Variants in MAPK10 observed in about 807,000 individuals in gnomAD.
MAPK10 encodes the protein JNK3 alpha protein kinase.
MAPK10 carries 25 observed loss-of-function variants against 59.3 expected under a neutral mutation model. The ratio of observed to expected loss-of-function variants is 0.42; its 90% CI spans 0.31 to 0.59. MAPK10 has a LOEUF of 0.59. Ranked by LOEUF, MAPK10 falls within the 20% of genes least tolerant of loss-of-function variation. The probability of loss-of-function intolerance (pLI) is 0.15; values close to 1 mark genes in which losing one functional copy is unlikely to be tolerated. For missense variants in MAPK10, 351 were observed against 568.9 expected (o/e 0.62, Z 3.90); for synonymous variants, 190 against 200.5 (o/e 0.95, Z 0.44).
chr4:86,338,110 A>C (rs1722643969), intron 2 of MAPK10, among the ~76,000 whole-genome samples: 1 of 152,030 alleles, frequency 6.6e-6, no homozygotes, highest in African/African-American at 2.4e-5. Flanking sequence ...TTCCCCTCCC[A>C]CACACACACC....
intron 2 of MAPK10, among the ~76,000 whole-genome samples, chr4:86,228,688 TA>T (rs2091063099): frequency 6.6e-6 from 1 of 152,184 alleles, no homozygotes; most frequent in Non-Finnish European, 1.5e-5. Context: ...AAATATCTGT[TA>T]CCCACCATAC....
chr4:86,408,465 G>C (rs1488220053), intron 1 of MAPK10, among the ~76,000 whole-genome samples: 1 of 152,128 alleles, frequency 6.6e-6, no homozygotes, highest in Non-Finnish European at 1.5e-5. Flanking sequence ...AGATCCTTGA[G>C]GAATTGCCAC....
At chr4:86,161,774 T>C (rs990521132) in intron 3 of MAPK10, among the ~76,000 whole-genome samples, 1 of 152,072 alleles carries the variant, frequency 6.6e-6, no homozygotes, top group Non-Finnish European at 1.5e-5. Flanking sequence ...TCAACTGTAT[T>C]GCATGTATAA....
At chr4:86,112,657 G>A (rs1444669298) in intron 4 of MAPK10, among the ~76,000 whole-genome samples, 1 of 152,142 alleles carries the variant, frequency 6.6e-6, no homozygotes, top group Non-Finnish European at 1.5e-5. Flanking sequence ...TTTAGGGTAA[G>A]TGCCAGTGGC....
At chr4:86,114,678 G>C (rs1418784869) in intron 4 of MAPK10, among the ~76,000 whole-genome samples, 1 of 152,214 alleles carries the variant, frequency 6.6e-6, no homozygotes, top group Non-Finnish European at 1.5e-5. Flanking sequence ...TCAGGGAACT[G>C]TTTAAAGAAC....
intron 1 of MAPK10, among the ~76,000 whole-genome samples, chr4:86,577,425 A>G (rs911653509): frequency 3.9e-5 from 6 of 152,276 alleles, no homozygotes; most frequent in South Asian, 2.1e-4. Context: ...AATAAAGATA[A>G]AGAGAATCCC....
At chr4:86,059,023 A>C (rs1396041206) in intron 11 of MAPK10, among the ~76,000 whole-genome samples, 3 of 152,130 alleles carry the variant, frequency 2.0e-5, no homozygotes, top group Non-Finnish European at 2.9e-5. Flanking sequence ...CCACTCTATA[A>C]TTATCTCTAA....
intron 4 of MAPK10, among the ~76,000 whole-genome samples, chr4:86,109,641 G>A (rs1214011324): frequency 6.6e-6 from 1 of 152,142 alleles, no homozygotes; most frequent in African/African-American, 2.4e-5. Flanking sequence ...ATCATTGATG[G>A]GCATTTGGGT....
chr4:86,021,913 G>A (rs147064919), intron 13 of MAPK10, among the ~76,000 whole-genome samples: 4,724 of 152,322 alleles, frequency 0.031, 210 homozygotes, highest in East Asian at 0.1. Flanking sequence ...GCGGGGGCCC[G>A]CCAAGCCCAC....
intron 4 of MAPK10, among the ~76,000 whole-genome samples, chr4:86,108,202 T>G (rs192970188): frequency 6.6e-6 from 1 of 152,334 alleles, no homozygotes; most frequent in African/African-American, 2.4e-5. Context: ...ATTGAAAATT[T>G]ACAATGCTTT....
chr4:86,390,269 A>G (rs1023476050), intron 1 of MAPK10, among the ~76,000 whole-genome samples: 1 of 152,226 alleles, frequency 6.6e-6, no homozygotes, highest in Non-Finnish European at 1.5e-5. Context: ...GGAAGATGAT[A>G]AAAAGATATT....
intron 2 of MAPK10, among the ~76,000 whole-genome samples, chr4:86,297,997 G>A (rs2095401099): frequency 6.6e-6 from 1 of 152,128 alleles, no homozygotes; most frequent in Non-Finnish European, 1.5e-5. Flanking sequence ...GTGCTTCTGT[G>A]TGTTTCCATT....
chr4:86,100,918 A>G (rs1472531355), intron 8 of MAPK10, 134 bp downstream of exon 8: 5 of 702,860 alleles, frequency 7.1e-6, no homozygotes. Flanking sequence ...GTATTAAAAA[A>G]AACCCTGAAT....
intron 2 of MAPK10, among the ~76,000 whole-genome samples, chr4:86,219,257 C>CCA (rs1220161173): frequency 1.3e-5 from 2 of 152,198 alleles, no homozygotes; most frequent in Admixed American, 6.5e-5. Flanking sequence ...AATTGGCACA[C>CCA]ATCCTCTCTT....
At chr4:86,394,477 T>C (rs896787148) in intron 1 of MAPK10, among the ~76,000 whole-genome samples, 7 of 152,188 alleles carry the variant, frequency 4.6e-5, no homozygotes, top group South Asian at 4.1e-4. Flanking sequence ...ATTTACCCTT[T>C]GTTTAAATTA....
Position 86,527,267 on chromosome 4 carries a change from G to C in MAPK10, c.-263+66643C>G, listed in dbSNP as rs142244427. ...GTCGAGGCCGCAGGGAGCTGTAATC[G>C]TCCCACTGTACTCCAGCCTGAGCAA... On this transcript the variant is annotated intron_variant, in intron 1 of 4. Coordinates refer to the MAPK10 transcript ENST00000502302. Among the ~76,000 whole-genome samples the C allele has an allele frequency of 3.6e-3, 463 of 128,426 alleles. 2 individuals carry two copies. The highest frequency in any genetic ancestry group is 0.013 in the African/African-American group (443 of 32,968). The allele number at this position is 128,426 out of a possible 152,430, so 84.3% of individuals were successfully genotyped here.
chr4:86,480,976 G>A (rs747094677), intron 1 of MAPK10, among the ~76,000 whole-genome samples: 1 of 152,160 alleles, frequency 6.6e-6, no homozygotes, highest in Admixed American at 6.5e-5. Flanking sequence ...AACCAACAAG[G>A]CTGTCCATTC....
chr4:86,490,139 A>G (rs1262545619), intron 1 of MAPK10, among the ~76,000 whole-genome samples: 1 of 152,208 alleles, frequency 6.6e-6, no homozygotes. Context: ...TGATCCACTC[A>G]TTCAGGAAAT....
intron 4 of MAPK10, among the ~76,000 whole-genome samples, chr4:86,147,136 G>A (rs569883628): frequency 6.6e-6 from 1 of 151,838 alleles, no homozygotes; most frequent in South Asian, 2.1e-4. Context: ...AGCCAGGCTG[G>A]AGTGCAGTAG....
Sources: allele counts gnomAD v4.1 joint callset (sites outside exome capture counted in the v4.1 genomes callset), GRCh38; gene constraint gnomAD v4.1.1; transcripts MANE v1.5; gene names NCBI Gene and HGNC (gene_info 2026-07-23, HGNC 2026-07-21).